Variants in ELMOD3 observed in about 807,000 individuals in gnomAD.
The protein encoded by ELMOD3 is ELMO domain containing 3, also known as ELMO domain-containing protein 3.
In ELMOD3, 36 loss-of-function variants were observed where a neutral mutation model predicts 47.4. The ratio of observed to expected loss-of-function variants is 0.76; its 90% CI spans 0.58 to 1.00. ELMOD3 has a LOEUF of 1.00. Among genes scored for constraint, ELMOD3 ranks in the 50% least tolerant of loss-of-function variants. ELMOD3 has a pLI of 0.00. For missense variants in ELMOD3, 404 were observed against 463.8 expected (o/e 0.87, Z 1.18); for synonymous variants, 149 against 183.5 (o/e 0.81, Z 1.52).
At chr2:85,363,626 G>C (rs1275504075) in intron 6 of ELMOD3, among the ~76,000 whole-genome samples, 5 of 152,144 alleles carry the variant, frequency 3.3e-5, no homozygotes, top group Admixed American at 2.0e-4. Context: ...TGTTGATAAA[G>C]GCATACCCAA....
chr2:85,371,886 T>G, intron 10 of ELMOD3: 2 of 252,080 alleles, frequency 7.9e-6, no homozygotes, highest in Non-Finnish European at 1.6e-5. Context: ...ATACAAATAT[T>G]AGGGTGGGGT....
chr2:85,360,359 C>CTT (rs1195786903), intron 4 of ELMOD3, among the ~76,000 whole-genome samples: 2 of 129,176 alleles, frequency 1.5e-5, no homozygotes, highest in African/African-American at 5.5e-5. Context: ...GTTGGTTTTT[C>CTT]TTTTTTTTTT....
chr2:85,368,437 G>T (rs781213415), intron 6 of ELMOD3: 4 of 488,680 alleles, frequency 8.2e-6, no homozygotes, highest in Non-Finnish European at 1.5e-5. Context: ...GGGAGTGGGG[G>T]ATCACCAGGT....
At chr2:85,381,602 A>T (rs943587598) in intron 11 of ELMOD3, among the ~76,000 whole-genome samples, 2 of 152,222 alleles carry the variant, frequency 1.3e-5, no homozygotes, top group African/African-American at 4.8e-5. Context: ...CTTTTGCATC[A>T]GTGTGCCTTT....
intron 11 of ELMOD3, among the ~76,000 whole-genome samples, chr2:85,387,691 GT>G: frequency 7.2e-6 from 1 of 138,236 alleles, no homozygotes; most frequent in Non-Finnish European, 1.6e-5. Context: ...AAAAAAATCT[GT>G]CTCTTGGAGT....
At position 85,357,025 on chromosome 2, in the gene ELMOD3, C is replaced by A; in HGVS notation, c.-174C>A. 1 of 541,340 alleles carries A rather than the reference C, an allele frequency of 1.8e-6. No homozygotes were observed. 33.5% of individuals were successfully genotyped at this position (541,340 alleles called of 1,614,324 possible). On this transcript the variant is annotated 5_prime_UTR_variant, in exon 4 of 14. Transcript: ENST00000409013. Reference sequence around the variant, plus strand: ...TCAGCACTCACAGAAACCTCCTACACCCTCGGATGGCACAAAGGGACTGTT... The same window carrying A: ...TCAGCACTCACAGAAACCTCCTACAACCTCGGATGGCACAAAGGGACTGTT...
At chr2:85,361,528 C>T (rs1342234230) in intron 4 of ELMOD3, among the ~76,000 whole-genome samples, 1 of 152,146 alleles carries the variant, frequency 6.6e-6, no homozygotes, top group Non-Finnish European at 1.5e-5. Flanking sequence ...AGCAAACTAA[C>T]ACAGAGCAGA....
At chr2:85,374,382 C>G (rs1288776343) in intron 10 of ELMOD3, among the ~76,000 whole-genome samples, 1 of 152,112 alleles carries the variant, frequency 6.6e-6, no homozygotes, top group Non-Finnish European at 1.5e-5. Context: ...CACTCTATTG[C>G]CCAGGCTGGA....
At chr2:85,369,124 C>T (rs1415184644) in intron 7 of ELMOD3, among the ~76,000 whole-genome samples, 1 of 152,102 alleles carries the variant, frequency 6.6e-6, no homozygotes, top group East Asian at 1.9e-4. Flanking sequence ...ACAAGGAAGT[C>T]CCTGGGGATG....
rs1047790478 is a variant in ELMOD3, at chr2:85,383,273, C to T, written c.738+5799C>T. Among the ~76,000 whole-genome samples the T allele has an allele frequency of 6.6e-5, 10 of 151,586 alleles. No individual in the cohort carries two copies. The East Asian group carries it at 9.8e-4, about 15-fold the overall frequency. On this transcript the variant is annotated intron_variant, in intron 11 of 13. Coordinates refer to ENST00000409013, the MANE Select transcript of ELMOD3 (RefSeq NM_001135022.2). ...TCTTCTGAGTAGCTGGGGTTACAGG[C>T]GCCCACCACCACGCCTGGCTAACTT...
At chr2:85,389,005 GA>G (rs1451857524) in intron 11 of ELMOD3, among the ~76,000 whole-genome samples, 1 of 152,094 alleles carries the variant, frequency 6.6e-6, no homozygotes, top group Non-Finnish European at 1.5e-5. Context: ...CAAGTTCCCT[GA>G]AAAAAAGGCC....
intron 11 of ELMOD3, among the ~76,000 whole-genome samples, chr2:85,387,544 C>T (rs1043219019): frequency 1.3e-5 from 2 of 151,906 alleles, no homozygotes; most frequent in Non-Finnish European, 2.9e-5. Flanking sequence ...TGCCTATAGT[C>T]CCAGCTATTT....
intron 4 of ELMOD3, among the ~76,000 whole-genome samples, chr2:85,357,961 T>C (rs988152304): frequency 6.6e-6 from 1 of 152,118 alleles, no homozygotes; most frequent in Non-Finnish European, 1.5e-5. Flanking sequence ...CTTAGTACTG[T>C]GCCAATGGTT....
chr2:85,386,273 G>A (rs767115780), intron 11 of ELMOD3, among the ~76,000 whole-genome samples: 2 of 151,880 alleles, frequency 1.3e-5, no homozygotes, highest in Non-Finnish European at 2.9e-5. Flanking sequence ...GTCAGTTTCA[G>A]TGCAGTATTT....
At chr2:85,364,431 A>G (rs1684204072) in intron 6 of ELMOD3, among the ~76,000 whole-genome samples, 1 of 152,024 alleles carries the variant, frequency 6.6e-6, no homozygotes, top group Non-Finnish European at 1.5e-5. Context: ...TAAAAATACA[A>G]AAATTAGCTG....
At chr2:85,385,430 T>A (rs1685857317) in intron 11 of ELMOD3, among the ~76,000 whole-genome samples, 1 of 151,978 alleles carries the variant, frequency 6.6e-6, no homozygotes, top group African/African-American at 2.4e-5. Flanking sequence ...TCAAAGGGGG[T>A]TGTTCTCTGG....
At chr2:85,361,911 A>T (rs1683990807) in intron 4 of ELMOD3, among the ~76,000 whole-genome samples, 1 of 151,858 alleles carries the variant, frequency 6.6e-6, no homozygotes, top group African/African-American at 2.4e-5. Flanking sequence ...AGCCTGGGTG[A>T]CAGAGTGAGA....
At position 85,390,145 on chromosome 2, in the gene ELMOD3, A is replaced by G. The variant is rs200909055; in HGVS notation, c.823A>G (p.Asn275Asp). Residue 275 changes from asparagine to aspartate, a missense_variant, in exon 13 of 14, where the codon AAT becomes GAT. Physicochemically the swap from Asn to Asp is conservative, Grantham distance 23. Transcript: ENST00000409013. Reference sequence around the variant, plus strand: ...CTTGCCTTTTTCCTGCAGAGAGTGTAATCGGCAGCAGAAGGTCATCCCCGT... The same window carrying G: ...CTTGCCTTTTTCCTGCAGAGAGTGTGATCGGCAGCAGAAGGTCATCCCCGT... ...LREECLSREC[N>D]RQQKVIPVVN... The G allele has an allele frequency of 8.7e-6, 14 of 1,613,984 alleles. No homozygotes were observed. The highest frequency in any genetic ancestry group is 1.2e-5 in the Non-Finnish European group (14 of 1,179,856).
chr2:85,371,514 T>C lies in ELMOD3; in HGVS notation c.559T>C (p.Phe187Leu). 1.2e-6 allele frequency: 2 copies of C among 1,614,236 alleles called. No homozygotes were observed. Among genetic ancestry groups the C allele is most frequent in the Non-Finnish European group, 1.7e-6 (2 of 1,180,040 alleles). ...TIYKKLTGSK[F>L]DCALHGNHWE... ...CTATAAGAAGCTGACCGGCTCCAAG[T>C]TTGACTGTGCCCTTCATGGAAACCA... Residue 187 changes from phenylalanine (F) to leucine (L), a missense_variant, in exon 10 of 14, where the codon TTT becomes CTT. Phe to Leu is a conservative substitution (Grantham distance 22). Coordinates refer to ENST00000409013, the MANE Select transcript of ELMOD3 (RefSeq NM_001135022.2).
Sources: allele counts gnomAD v4.1 joint callset (sites outside exome capture counted in the v4.1 genomes callset), GRCh38; gene constraint gnomAD v4.1.1; transcripts MANE v1.5; gene names NCBI Gene and HGNC (gene_info 2026-07-23, HGNC 2026-07-21).